The following PACRG variants were observed in gnomAD, a reference collection of about 807,000 sequenced individuals.
PACRG encodes parkin coregulated gene protein.
A neutral mutation model predicts 29.7 loss-of-function variants in PACRG; 29 were observed. The ratio of observed to expected loss-of-function variants is 0.98; its 90% confidence interval spans 0.73 to 1.33. The LOEUF (loss-of-function observed/expected upper bound fraction) is 1.33. PACRG is among the 40% of genes most tolerant of loss of function. PACRG has a pLI of 0.00. For synonymous variants in PACRG, 116 were observed against 118.7 expected (o/e 0.98, Z 0.15); for missense variants, 279 against 316.2 (o/e 0.88, Z 0.89).
At chr6:162,904,970 A>G (rs1262174041) in intron 2 of PACRG, among the ~76,000 whole-genome samples, 1 of 152,074 alleles carries the variant, frequency 6.6e-6, no homozygotes, top group Non-Finnish European at 1.5e-5. Context: ...CAAGGGAAGT[A>G]TGGGAATGAA....
chr6:162,997,119 A>T lies in PACRG; in HGVS notation c.292-65031A>T, dbSNP rs556597891. Among the ~76,000 whole-genome samples, 163 of 152,338 alleles carry T rather than the reference A, an allele frequency of 1.1e-3. 4 individuals are homozygous for T. In the South Asian group the frequency reaches 0.034, roughly 31 times the overall value. On this transcript the variant is annotated intron_variant, in intron 2 of 4. Coordinates refer to ENST00000366888, the MANE Select transcript of PACRG (RefSeq NM_001080379.2). The stretch of plus-strand genomic sequence containing the variant: ...GAACATAGTGTTTAAAATTGGTTTG[A>T]TAAAGATAAAACTTGACATTAATGT...
At chr6:162,728,476 T>C in intron 1 of PACRG, 85 bp downstream of exon 1, 1 of 1,503,438 alleles carries the variant, frequency 6.7e-7, no homozygotes, top group Non-Finnish European at 9.0e-7. Context: ...TAGGATGGAC[T>C]CTGAGCCATG....
chr6:163,054,570 C>T (rs1810368156), intron 2 of PACRG, among the ~76,000 whole-genome samples: 1 of 152,180 alleles, frequency 6.6e-6, no homozygotes, highest in Non-Finnish European at 1.5e-5. Flanking sequence ...CGGCTGAAGA[C>T]AGGGTTTTTT....
chr6:163,144,985 C>A (rs1304917983), intron 4 of PACRG, among the ~76,000 whole-genome samples: 1 of 152,130 alleles, frequency 6.6e-6, no homozygotes, highest in Admixed American at 6.5e-5. Context: ...CTGAGCCCTG[C>A]TGATGTTGAA....
Position 163,259,105 on chromosome 6 carries a change from A to G in PACRG, c.614-55722A>G, listed in dbSNP as rs960835070. ...ATGAGGAATCTGATACCTGACAAGA[A>G]TAGGAATTTACATAAGGTCATTAAG... On this transcript the variant is annotated intron_variant, in intron 4 of 4. Transcript: ENST00000366888. 7.9e-5 allele frequency among the ~76,000 whole-genome samples: 12 copies of G among 152,202 alleles called. No individual in the cohort carries two copies. The East Asian group carries it at 2.3e-3, about 29-fold the overall frequency.
chr6:162,794,240 T>C (rs998018735), intron 1 of PACRG, among the ~76,000 whole-genome samples: 6 of 152,194 alleles, frequency 3.9e-5, no homozygotes, highest in Non-Finnish European at 7.4e-5. Flanking sequence ...ATTTGTTTTA[T>C]TGGCTATTCA....
intron 4 of PACRG, among the ~76,000 whole-genome samples, chr6:163,241,353 G>A (rs1282660966): frequency 2.0e-5 from 3 of 152,156 alleles, no homozygotes; most frequent in African/African-American, 7.2e-5. Context: ...AAGAAAAGCA[G>A]AAAGGATGGC....
chr6:162,909,383 A>G (rs1447698110), intron 2 of PACRG, among the ~76,000 whole-genome samples: 3 of 151,774 alleles, frequency 2.0e-5, no homozygotes, highest in Admixed American at 6.6e-5. Flanking sequence ...GTGAAACCTC[A>G]TCTCTACTAA....
chr6:162,779,581 T>C (rs1783927713), intron 1 of PACRG, among the ~76,000 whole-genome samples: 2 of 152,194 alleles, frequency 1.3e-5, no homozygotes, highest in Admixed American at 1.3e-4. Flanking sequence ...TCACCTAGAA[T>C]TCAAAATTTT....
intron 2 of PACRG, among the ~76,000 whole-genome samples, chr6:163,000,272 G>T (rs781132020): frequency 1.3e-5 from 2 of 152,202 alleles, no homozygotes; most frequent in Non-Finnish European, 2.9e-5. Context: ...CCCTCCCGCA[G>T]GTTGTGGTGC....
Position 162,765,373 on chromosome 6 carries a change from T to A in PACRG, c.156+36982T>A, listed in dbSNP as rs188297897. Among the ~76,000 whole-genome samples, 18 of 152,218 alleles carry A rather than the reference T, an allele frequency of 1.2e-4. No homozygotes were observed. The East Asian group carries it at 3.1e-3, about 26-fold the overall frequency. On this transcript the variant is annotated intron_variant, in intron 1 of 4. Coordinates refer to ENST00000366888, the MANE Select transcript of PACRG (RefSeq NM_001080379.2). ...CTCAGTACCCAGTACTATTTTCCAG[T>A]GCAACTCTACCCCCTTTCCTCGCCC...
intron 2 of PACRG, among the ~76,000 whole-genome samples, chr6:163,023,489 G>T (rs1427739392): frequency 6.6e-6 from 1 of 152,186 alleles, no homozygotes; most frequent in African/African-American, 2.4e-5. Flanking sequence ...TGGGCACCGG[G>T]GTTGACTCCA....
At chr6:162,893,029 G>A (rs1380667230) in intron 2 of PACRG, among the ~76,000 whole-genome samples, 2 of 148,978 alleles carry the variant, frequency 1.3e-5, no homozygotes, top group African/African-American at 2.5e-5. Flanking sequence ...CCCACATCCC[G>A]GAGAACCACG....
intron 2 of PACRG, among the ~76,000 whole-genome samples, chr6:162,881,232 G>A (rs960251576): frequency 2.0e-5 from 3 of 152,312 alleles, no homozygotes; most frequent in African/African-American, 7.2e-5. Flanking sequence ...TCCAGGGGCT[G>A]CCTGATGGTT....
intron 1 of PACRG, among the ~76,000 whole-genome samples, chr6:162,792,523 GC>G (rs1479045482): frequency 2.6e-5 from 4 of 152,174 alleles, no homozygotes; most frequent in African/African-American, 9.7e-5. Context: ...GATAGAACAG[GC>G]CAAGGAACTA....
intron 2 of PACRG, among the ~76,000 whole-genome samples, chr6:162,950,974 A>G (rs549221007): frequency 5.9e-5 from 9 of 152,332 alleles, no homozygotes; most frequent in Admixed American, 5.9e-4. Flanking sequence ...AAACAGACGG[A>G]GTGTTTAATT....
At chr6:163,054,888 C>T (rs1810411067) in intron 2 of PACRG, among the ~76,000 whole-genome samples, 1 of 152,128 alleles carries the variant, frequency 6.6e-6, no homozygotes, top group Admixed American at 6.5e-5. Context: ...CAAGGACCGC[C>T]TCCCCCCTGG....
chr6:162,786,989 G>A (rs1024037386), intron 1 of PACRG, among the ~76,000 whole-genome samples: 8 of 152,038 alleles, frequency 5.3e-5, no homozygotes, highest in Non-Finnish European at 1.2e-4. Flanking sequence ...TAAATTATAC[G>A]AAAGAGTAGC....
chr6:163,137,377 C>T (rs2128332441), intron 4 of PACRG, among the ~76,000 whole-genome samples: 1 of 152,148 alleles, frequency 6.6e-6, no homozygotes, highest in African/African-American at 2.4e-5. Flanking sequence ...TTATTGTTCG[C>T]TTGCCAGTCC....
Sources: gnomAD v4.1 joint callset for allele counts (sites outside exome capture counted in the v4.1 genomes callset) on GRCh38, gnomAD v4.1.1 for gene constraint, MANE v1.5 for transcripts, NCBI Gene and HGNC (gene_info 2026-07-23, HGNC 2026-07-21) for gene names.